LRMDA: variants seen among roughly 807,000 people sequenced by gnomAD.
LRMDA encodes the protein leucine rich melanocyte differentiation associated.
In LRMDA, 18 loss-of-function variants were observed where a neutral mutation model predicts 29.8. That is an observed-to-expected ratio of 0.60 (90% CI 0.42 to 0.90). LRMDA has a LOEUF of 0.90. LRMDA is among the 40% of genes least tolerant of loss of function. The pLI, the probability that LRMDA is intolerant of heterozygous loss-of-function variation, is 0.00. For missense variants in LRMDA, 273 were observed against 273.9 expected (o/e 1.00, Z 0.02); for synonymous variants, 125 against 109.4 (o/e 1.14, Z -0.89).
chr10:76,216,634 C>G (rs1367211873), intron 5 of LRMDA, among the ~76,000 whole-genome samples: 1 of 152,100 alleles, frequency 6.6e-6, no homozygotes, highest in African/African-American at 2.4e-5. Context: ...ACAAGACTGG[C>G]AAAATTTTTT....
chr10:75,605,449 T>C (rs1301401846), intron 2 of LRMDA, among the ~76,000 whole-genome samples: 1 of 152,192 alleles, frequency 6.6e-6, no homozygotes, highest in Non-Finnish European at 1.5e-5. Context: ...AGAAAGTTTG[T>C]ACATTGTGGG....
At chr10:75,845,166 A>G (rs1205046935) in intron 2 of LRMDA, among the ~76,000 whole-genome samples, 1 of 151,246 alleles carries the variant, frequency 6.6e-6, no homozygotes, top group Non-Finnish European at 1.5e-5. Flanking sequence ...TATACATTAC[A>G]TTTTTCAGTC....
chr10:75,722,332 T>G (rs1326822560), intron 2 of LRMDA, among the ~76,000 whole-genome samples: 1 of 152,196 alleles, frequency 6.6e-6, no homozygotes, highest in Non-Finnish European at 1.5e-5. Context: ...CCAAACATTT[T>G]GCAGCTTTGT....
In LRMDA at chr10:76,143,021, G is replaced by T. The variant is rs371331968; in HGVS notation, c.516+84238G>T. ...CCATGTCCCTACAAAGGACATGAAC[G>T]CATCATTTTTTATGGCTGCATAGTA... On this transcript the variant is annotated intron_variant, in intron 5 of 6. Transcript: ENST00000611255. Among the ~76,000 whole-genome samples the T allele has an allele frequency of 4.0e-5, 6 of 151,862 alleles. No homozygotes were observed. The South Asian group carries it at 6.2e-4, about 16-fold the overall frequency.
At chr10:75,990,060 G>A (rs540680255) in intron 2 of LRMDA, among the ~76,000 whole-genome samples, 115 of 152,242 alleles carry the variant, frequency 7.6e-4, no homozygotes, top group Non-Finnish European at 1.5e-3. Context: ...CCATTCTGCC[G>A]TTCATTAAGA....
At chr10:75,477,680 T>C (rs927960031) in intron 2 of LRMDA, among the ~76,000 whole-genome samples, 3 of 152,238 alleles carry the variant, frequency 2.0e-5, no homozygotes, top group South Asian at 2.1e-4. Context: ...AAGGCTTGTA[T>C]AGCCCCTGGG....
chr10:75,590,726 C>CTTTTTTTTTTTTTTTTTT lies in LRMDA; in HGVS notation c.131+152257_131+152274dup, dbSNP rs67966004. 7.0e-5 allele frequency among the ~76,000 whole-genome samples: 5 copies of CTTTTTTTTTTTTTTTTTT among 71,384 alleles called. 1 individual carries two copies. The highest frequency in any genetic ancestry group is 6.2e-4 in the South Asian group (1 of 1,610). The allele number at this position is 71,384 out of a possible 152,430, so 46.8% of individuals were successfully genotyped here. On this transcript the variant is annotated intron_variant, in intron 2 of 6. Transcript: ENST00000611255. ...CTCCTAACTCTCACAATAAAATAGT[C>CTTTTTTTTTTTTTTTTTT]TTTTTTTTTTTTTTTTTTTTTTTTT...
At chr10:76,220,842 C>T (rs1394828393) in intron 5 of LRMDA, among the ~76,000 whole-genome samples, 1 of 152,192 alleles carries the variant, frequency 6.6e-6, no homozygotes, top group African/African-American at 2.4e-5. Flanking sequence ...AGACCAATAT[C>T]CTTGATGAAC....
chr10:75,508,757 TGTAAGATTTTTA>T (rs1463964746), intron 2 of LRMDA, among the ~76,000 whole-genome samples: 1 of 152,210 alleles, frequency 6.6e-6, no homozygotes, highest in Non-Finnish European at 1.5e-5. Flanking sequence ...CTGTGCTTAA[TGTAAGATTTTTA>T]GTCCTCAATT....
At chr10:75,700,360 T>A (rs1046008501) in intron 2 of LRMDA, among the ~76,000 whole-genome samples, 1 of 151,656 alleles carries the variant, frequency 6.6e-6, no homozygotes, top group Non-Finnish European at 1.5e-5. Context: ...AGTATATATA[T>A]TATTTGGTGA....
chr10:75,597,138 C>A (rs1253196433), intron 2 of LRMDA, among the ~76,000 whole-genome samples: 2 of 151,958 alleles, frequency 1.3e-5, no homozygotes, highest in African/African-American at 4.8e-5. Context: ...ATTACAAAAC[C>A]ATGCCTAAAA....
chr10:76,175,628 T>C (rs1170966012), intron 5 of LRMDA, among the ~76,000 whole-genome samples: 1 of 152,222 alleles, frequency 6.6e-6, no homozygotes, highest in Non-Finnish European at 1.5e-5. Flanking sequence ...TGCTCGAGTT[T>C]GCTCAGCCTC....
chr10:76,343,764 C>A (rs1216753540), intron 6 of LRMDA, among the ~76,000 whole-genome samples: 1 of 150,402 alleles, frequency 6.6e-6, no homozygotes, highest in Non-Finnish European at 1.5e-5. Context: ...GAAGAGATTA[C>A]AGGCATCAAA....
At chr10:76,191,479 G>A (rs1351578924) in intron 5 of LRMDA, among the ~76,000 whole-genome samples, 1 of 152,168 alleles carries the variant, frequency 6.6e-6, no homozygotes, top group Non-Finnish European at 1.5e-5. Context: ...CCCCTGATAA[G>A]AGGCTGATGC....
chr10:76,062,654 CTCTGTGTGTGTGTGTGTG>C (rs1283097484), intron 5 of LRMDA, among the ~76,000 whole-genome samples: 3 of 136,432 alleles, frequency 2.2e-5, no homozygotes, highest in East Asian at 2.4e-4. Flanking sequence ...GACTTTATCT[CTCTGTGTGTGTGTGTGTG>C]TGTGTGTGTG....
intron 6 of LRMDA, among the ~76,000 whole-genome samples, chr10:76,504,798 A>G (rs1030222328): frequency 2.0e-5 from 3 of 152,036 alleles, no homozygotes; most frequent in Non-Finnish European, 4.4e-5. Flanking sequence ...GACTGTTTAC[A>G]TTCAGGGTTA....
intron 2 of LRMDA, among the ~76,000 whole-genome samples, chr10:75,444,358 T>C (rs1844365106): frequency 6.6e-6 from 1 of 152,166 alleles, no homozygotes; most frequent in Non-Finnish European, 1.5e-5. Context: ...AAATTGGAAA[T>C]GGAAGCAAGA....
chr10:76,483,708 TG>T (rs1318041690), intron 6 of LRMDA, among the ~76,000 whole-genome samples: 1 of 150,100 alleles, frequency 6.7e-6, no homozygotes, highest in African/African-American at 2.5e-5. Context: ...GCTTCAGGAC[TG>T]GGTCAAGAAA....
chr10:75,569,147 T>C (rs1386284057), intron 2 of LRMDA, among the ~76,000 whole-genome samples: 1 of 152,206 alleles, frequency 6.6e-6, no homozygotes, highest in Non-Finnish European at 1.5e-5. Context: ...TGGGACTCTT[T>C]CTTTTTTCTC....
Sources: allele counts gnomAD v4.1 joint callset (sites outside exome capture counted in the v4.1 genomes callset), GRCh38; gene constraint gnomAD v4.1.1; transcripts MANE v1.5; gene names NCBI Gene and HGNC (gene_info 2026-07-23, HGNC 2026-07-21).